PRELID2: variants seen among roughly 807,000 people sequenced by gnomAD.
PRELID2 encodes the protein PRELI domain containing 2, also known as PRELI domain-containing protein 2.
A neutral mutation model predicts 28.4 loss-of-function variants in PRELID2; 25 were observed. The observed-to-expected ratio is 0.88, with a 90% confidence interval of 0.64 to 1.23. The LOEUF (loss-of-function observed/expected upper bound fraction) is 1.23, where lower values mean the gene tolerates loss of function less well. PRELID2 is among the 50% of genes most tolerant of loss of function. The pLI is 0.00. For missense variants in PRELID2, 201 were observed against 214.4 expected (o/e 0.94, Z 0.39); for synonymous variants, 76 against 71.6 (o/e 1.06, Z -0.31).
chr5:145,597,498 C>A (rs979285350), intron 1 of PRELID2, among the ~76,000 whole-genome samples: 2 of 152,024 alleles, frequency 1.3e-5, no homozygotes, highest in Non-Finnish European at 2.9e-5. Flanking sequence ...ATTTAAAATT[C>A]GAGATAAATG....
the PRELID2 span, among the ~76,000 whole-genome samples, chr5:145,327,406 A>T: frequency 6.6e-6 from 1 of 151,968 alleles, no homozygotes; most frequent in African/African-American, 2.4e-5. Context: ...TCTTAAAGTC[A>T]ATTTTGTACG....
the PRELID2 span, among the ~76,000 whole-genome samples, chr5:145,449,471 C>T: frequency 2.0e-5 from 3 of 152,112 alleles, no homozygotes; most frequent in Non-Finnish European, 4.4e-5. Context: ...CTCTCCTTCT[C>T]TGCTGCTCTT....
chr5:145,626,094 A>G (rs1164601001), intron 1 of PRELID2, among the ~76,000 whole-genome samples: 2 of 152,152 alleles, frequency 1.3e-5, no homozygotes, highest in African/African-American at 4.8e-5. Context: ...AAAACCTAGA[A>G]AAAAACTCTT....
the PRELID2 span, among the ~76,000 whole-genome samples, chr5:145,336,594 C>A: frequency 6.6e-6 from 1 of 151,926 alleles, no homozygotes; most frequent in Non-Finnish European, 1.5e-5. Context: ...AGATATGTGG[C>A]GTTATTTCTG....
At position 145,577,131 on chromosome 5, in the gene PRELID2, G is replaced by A. The variant is rs571864880; in HGVS notation, n.71-103816C>T. Among the ~76,000 whole-genome samples, 6 of 152,204 alleles carry A rather than the reference G, an allele frequency of 3.9e-5. No individual in the cohort carries two copies. The South Asian group carries it at 1.2e-3, about 32-fold the overall frequency. ...AGAGCATCTCAGACAAAACTAGCTT[G>A]CAAAGACTGGAATAAATACCTACTT... is the stretch of plus-strand genomic sequence containing the variant. On this transcript the variant is annotated intron_variant and non_coding_transcript_variant, in intron 1 of 2. Transcript: ENST00000510259.
chr5:145,797,592 A>G (rs1487361244), intron 4 of PRELID2, among the ~76,000 whole-genome samples: 1 of 152,110 alleles, frequency 6.6e-6, no homozygotes, highest in East Asian at 1.9e-4. Context: ...CAACAAGGGT[A>G]ACAAAAGATC....
chr5:145,807,304 A>G (rs1354507957), intron 4 of PRELID2, among the ~76,000 whole-genome samples: 1 of 152,212 alleles, frequency 6.6e-6, no homozygotes, highest in Non-Finnish European at 1.5e-5. Context: ...TTAGCTAAAC[A>G]TGATTGTTTC....
chr5:145,657,017 A>C (rs1356864718), intron 1 of PRELID2, among the ~76,000 whole-genome samples: 1 of 152,212 alleles, frequency 6.6e-6, no homozygotes, highest in East Asian at 1.9e-4. Context: ...CATCTAGTAC[A>C]GTGCCTGGAA....
intron 1 of PRELID2, among the ~76,000 whole-genome samples, chr5:145,544,458 T>A (rs541682054): frequency 6.6e-6 from 1 of 152,256 alleles, no homozygotes; most frequent in Non-Finnish European, 1.5e-5. Context: ...CAATTATATT[T>A]CTTAACATAA....
chr5:145,600,425 A>G (rs1283837515), intron 1 of PRELID2, among the ~76,000 whole-genome samples: 5 of 132,410 alleles, frequency 3.8e-5, no homozygotes, highest in Non-Finnish European at 6.2e-5. Flanking sequence ...GGGGGGAAAA[A>G]AAAAAAAAAA....
At chr5:145,644,424 TAGCAG>T (rs1754162381) in intron 1 of PRELID2, among the ~76,000 whole-genome samples, 1 of 152,074 alleles carries the variant, frequency 6.6e-6, no homozygotes, top group Non-Finnish European at 1.5e-5. Context: ...TTAGTCTGGC[TAGCAG>T]TTTATCTATT....
At chr5:145,302,381 G>T in the PRELID2 span, among the ~76,000 whole-genome samples, 1 of 151,794 alleles carries the variant, frequency 6.6e-6, no homozygotes, top group Admixed American at 6.6e-5. Context: ...CAAGTGATCT[G>T]CCCACCTCGG....
At chr5:145,796,745 T>C (rs1752779244) in intron 4 of PRELID2, among the ~76,000 whole-genome samples, 198 bp from the exon 5 acceptor site, 1 of 152,168 alleles carries the variant, frequency 6.6e-6, no homozygotes, top group Non-Finnish European at 1.5e-5. Context: ...TTATTCAAAT[T>C]AAAGAATATT....
chr5:145,630,122 T>TTAGATGCATGGA (rs755496433), intron 1 of PRELID2, among the ~76,000 whole-genome samples: 5,279 of 147,046 alleles, frequency 0.036, 209 homozygotes, highest in Admixed American at 0.12. Context: ...AAAAAAATGT[T>TTAGATGCATGGA]TGGATGCATG....
chr5:145,646,352 G>A (rs1034594938), intron 1 of PRELID2, among the ~76,000 whole-genome samples: 8 of 152,058 alleles, frequency 5.3e-5, no homozygotes, highest in Non-Finnish European at 7.4e-5. Flanking sequence ...TATGCTTCAC[G>A]AAGTTCTCGT....
chr5:145,742,370 C>T (rs1581128613), intron 1 of PRELID2, among the ~76,000 whole-genome samples: 1 of 137,706 alleles, frequency 7.3e-6, no homozygotes. Flanking sequence ...AAACAAAGCT[C>T]AACAAATTTA....
intron 1 of PRELID2, among the ~76,000 whole-genome samples, chr5:145,575,260 C>G (rs887455801): frequency 2.0e-5 from 3 of 152,166 alleles, no homozygotes; most frequent in African/African-American, 7.2e-5. Flanking sequence ...TCAATAAAGT[C>G]AAATGATACA....
intron 1 of PRELID2, among the ~76,000 whole-genome samples, chr5:145,503,269 A>AT (rs1752375869): frequency 1.3e-5 from 2 of 152,148 alleles, no homozygotes; most frequent in South Asian, 4.1e-4. Context: ...TAATCCTCTG[A>AT]GCAACTGTAA....
At chr5:145,490,147 G>T (rs1192348076) in intron 1 of PRELID2, among the ~76,000 whole-genome samples, 2 of 152,158 alleles carry the variant, frequency 1.3e-5, no homozygotes, top group Non-Finnish European at 2.9e-5. Flanking sequence ...TGTATGATTT[G>T]ATTGATAAAT....
Sources: allele counts gnomAD v4.1 joint callset (sites outside exome capture counted in the v4.1 genomes callset), GRCh38; gene constraint gnomAD v4.1.1; transcripts MANE v1.5; gene names NCBI Gene and HGNC (gene_info 2026-07-23, HGNC 2026-07-21).